FBP1: variants seen among roughly 807,000 people sequenced by gnomAD.
The protein encoded by FBP1 is fructose-1,6-bisphosphatase 1.
FBP1 carries 22 observed loss-of-function variants against 29.9 expected under a neutral mutation model. The observed-to-expected ratio is 0.74, with a 90% CI of 0.53 to 1.05. FBP1 has a LOEUF of 1.05. Among genes scored for constraint, FBP1 ranks in the 50% least tolerant of loss-of-function variants. FBP1 has a pLI of 0.00. For synonymous variants in FBP1, 175 were observed against 178.6 expected (o/e 0.98, Z 0.16); for missense variants, 345 against 448.2 (o/e 0.77, Z 2.08).
chr9:94,630,641 GA>G (rs1828091464), intron 1 of FBP1, among the ~76,000 whole-genome samples: 1 of 152,242 alleles, frequency 6.6e-6, no homozygotes, highest in Non-Finnish European at 1.5e-5. Context: ...AAAGTGGTCA[GA>G]AAAGTGCCTG....
intron 6 of FBP1, among the ~76,000 whole-genome samples, chr9:94,604,439 T>C (rs1754437): frequency 0.88 from 131,668 of 150,354 alleles, 57,823 homozygotes; most frequent in East Asian, 0.95. Context: ...TCCAAACACA[T>C]AGGTTTTGTG....
rs757653154 is a variant in FBP1, at chr9:94,603,437, A to AC, written c.960_961insG (p.Ser321ValfsTer13). The stretch of plus-strand genomic sequence containing the variant: ...AGGAACTCGAGCACGTCGTCGGGGG[A>AC]TCCCAAGATCACCGGCGCCCTCTGG... On this transcript the variant is annotated frameshift_variant, in exon 7 of 7. Transcript: ENST00000375326. LOFTEE classifies it high-confidence loss of function. 1.3e-4 allele frequency: 211 copies of AC among 1,613,556 alleles called. No individual in the cohort carries two copies. The highest frequency in any genetic ancestry group is 2.8e-4 in the Admixed American group (17 of 59,946).
At chr9:94,610,191 T>C in intron 3 of FBP1, 130 bp from the exon 4 acceptor site, 1 of 878,850 alleles carries the variant, frequency 1.1e-6, no homozygotes. Context: ...AGAGGGGCCT[T>C]CCCCTACACA....
intron 1 of FBP1, among the ~76,000 whole-genome samples, chr9:94,624,837 AGT>A (rs1828000348): frequency 1.3e-5 from 2 of 152,096 alleles, no homozygotes; most frequent in Non-Finnish European, 2.9e-5. Flanking sequence ...CATTTATACA[AGT>A]AATTTTGTAA....
intron 6 of FBP1, among the ~76,000 whole-genome samples, chr9:94,604,741 G>A (rs1238721573): frequency 6.6e-6 from 1 of 152,140 alleles, no homozygotes; most frequent in Non-Finnish European, 1.5e-5. Flanking sequence ...CTGAGATCGC[G>A]CCACTGCACT....
At chr9:94,610,094 G>T (rs994050222) in intron 3 of FBP1, 33 bp from the exon 4 acceptor site, 2 of 1,606,666 alleles carry the variant, frequency 1.2e-6, no homozygotes, top group African/African-American at 2.7e-5. Context: ...GAATGTTTTT[G>T]TTTTGTTTTG....
chr9:94,617,932 G>A (rs1375042003), intron 2 of FBP1, 72 bp from the exon 3 acceptor site: 1 of 1,159,122 alleles, frequency 8.6e-7, no homozygotes, highest in Non-Finnish European at 1.3e-6. Flanking sequence ...TACATTAGGG[G>A]CTAAGAATGG....
intron 3 of FBP1, among the ~76,000 whole-genome samples, chr9:94,614,028 C>A (rs1004433185): frequency 7.4e-5 from 11 of 148,464 alleles, no homozygotes; most frequent in Middle Eastern, 3.4e-3. Flanking sequence ...TTGCAGTGAG[C>A]CGAGATCGTG....
In FBP1 at chr9:94,629,662, G is replaced by T. The variant is rs556529932; in HGVS notation, c.171-9171C>A. Among the ~76,000 whole-genome samples, 89 of 152,220 alleles carry T rather than the reference G, an allele frequency of 5.8e-4. 1 individual carries two copies. Among genetic ancestry groups the T allele is most frequent in the African/African-American group, 2.1e-3 (88 of 41,548 alleles). On this transcript the variant is annotated intron_variant, in intron 1 of 6. Transcript: ENST00000375326. ...CCCACTCCTGGGGAGGTAGGGGGGA[G>T]GGTCTAGTCTCTCAACCCCCACCAA...
chr9:94,625,411 G>A (rs1333928665), intron 1 of FBP1, among the ~76,000 whole-genome samples: 2 of 152,158 alleles, frequency 1.3e-5, no homozygotes, highest in Non-Finnish European at 2.9e-5. Flanking sequence ...GGACAGGGCG[G>A]CCCGCATCCA....
Position 94,617,802 on chromosome 9 carries a change from A to G in FBP1, c.392T>C (p.Val131Ala). ...GATGCCAAAAATGGTTCCAACGGAC[A>G]CAAGGCAATCGATGTTGGAAGATCC... ...LDGSSNIDCLVSVGTIFGIYR... is the reference protein window; with the variant it reads ...LDGSSNIDCLASVGTIFGIYR... Residue 131 changes from valine (V) to alanine (A), a missense_variant, in exon 3 of 7, where the codon GTG becomes GCG. By Grantham distance (64) the Val-to-Ala change is moderately conservative. Transcript: ENST00000375326. The G allele has an allele frequency of 4.3e-6, 7 of 1,614,030 alleles. No homozygotes were observed. Among genetic ancestry groups the G allele is most frequent in the Non-Finnish European group, 5.9e-6 (7 of 1,179,882 alleles).
At chr9:94,604,406 T>G (rs1458936717) in intron 6 of FBP1, among the ~76,000 whole-genome samples, 2 of 151,656 alleles carry the variant, frequency 1.3e-5, no homozygotes, top group African/African-American at 4.8e-5. Flanking sequence ...GGATGCCACA[T>G]GCTGCAAACA....
intron 1 of FBP1, among the ~76,000 whole-genome samples, chr9:94,628,335 A>G (rs6479558): frequency 0.94 from 142,176 of 150,756 alleles, 67,068 homozygotes; most frequent in East Asian, 1. Context: ...GCAGTGAGCC[A>G]AGGTCACACC....
chr9:94,612,453 A>G (rs7044434), intron 3 of FBP1, among the ~76,000 whole-genome samples: 76,231 of 151,948 alleles, frequency 0.5, 19,343 homozygotes, highest in Admixed American at 0.63. Flanking sequence ...AAAAAATAAT[A>G]GTAATACTTG....
intron 3 of FBP1, among the ~76,000 whole-genome samples, chr9:94,612,616 G>C (rs932939788): frequency 6.9e-6 from 1 of 145,712 alleles, no homozygotes; most frequent in South Asian, 2.1e-4. Flanking sequence ...GAGTGCAGTG[G>C]CACAATCTTG....
intron 1 of FBP1, among the ~76,000 whole-genome samples, chr9:94,627,463 C>T (rs541014514): frequency 6.6e-6 from 1 of 152,342 alleles, no homozygotes; most frequent in East Asian, 1.9e-4. Flanking sequence ...ATATTCCAAT[C>T]ACCACCTAGA....
chr9:94,634,044 A>G (rs1377155443), intron 1 of FBP1, among the ~76,000 whole-genome samples: 1 of 150,414 alleles, frequency 6.6e-6, no homozygotes, highest in Non-Finnish European at 1.5e-5. Context: ...CTGTAATCCC[A>G]GGACTTTGGG....
intron 1 of FBP1, 118 bp from the exon 2 acceptor site, chr9:94,620,609 T>C: frequency 1.0e-6 from 1 of 960,378 alleles, no homozygotes; most frequent in Non-Finnish European, 1.6e-6. Context: ...TCATGTCCTT[T>C]GCAGGGACAT....
chr9:94,614,478 C>T (rs1037171514), intron 3 of FBP1, among the ~76,000 whole-genome samples: 3 of 151,370 alleles, frequency 2.0e-5, no homozygotes, highest in African/African-American at 7.3e-5. Context: ...AGGCAGAGGT[C>T]GCAGGGAGCT....
Sources: gnomAD v4.1 joint callset for allele counts (sites outside exome capture counted in the v4.1 genomes callset) on GRCh38, gnomAD v4.1.1 for gene constraint, MANE v1.5 for transcripts, NCBI Gene and HGNC (gene_info 2026-07-23, HGNC 2026-07-21) for gene names.